Variants in MKLN1 observed in about 807,000 individuals in gnomAD.
The protein encoded by MKLN1 is muskelin.
MKLN1 carries 18 observed loss-of-function variants against 99.0 expected under a neutral mutation model. That is an observed-to-expected ratio of 0.18 (90% CI 0.13 to 0.27). The LOEUF (loss-of-function observed/expected upper bound fraction) is 0.27. MKLN1 is among the 10% of genes least tolerant of loss of function. MKLN1 has a pLI of 1.00. For missense variants in MKLN1, 621 were observed against 875.9 expected, an observed-to-expected ratio of 0.71 and a Z score of 3.67; for synonymous variants, 288 against 293.2, an observed-to-expected ratio of 0.98 and a Z score of 0.18.
chr7:131,386,142 T>C (rs1192639587), intron 2 of MKLN1, among the ~76,000 whole-genome samples: 3 of 151,834 alleles, frequency 2.0e-5, no homozygotes, highest in South Asian at 2.1e-4. Flanking sequence ...GCCTCCTGAG[T>C]AGCTAGGATT....
intron 17 of MKLN1, among the ~76,000 whole-genome samples, chr7:131,479,204 A>C (rs540239172): frequency 1.3e-5 from 2 of 152,236 alleles, no homozygotes; most frequent in East Asian, 3.9e-4. Flanking sequence ...CTTTAGTCTT[A>C]ATTTAGTAAT....
intron 2 of MKLN1, among the ~76,000 whole-genome samples, chr7:131,178,484 A>G (rs1378063240): frequency 2.6e-5 from 4 of 151,910 alleles, no homozygotes; most frequent in Non-Finnish European, 5.9e-5. Context: ...ACTTAAAAAA[A>G]AATCTGGACA....
intron 1 of MKLN1, among the ~76,000 whole-genome samples, chr7:131,135,771 G>T (rs953160791): frequency 1.3e-5 from 2 of 152,266 alleles, no homozygotes; most frequent in South Asian, 2.1e-4. Context: ...GGGGCAAAAG[G>T]CTGACTGGAT....
chr7:131,311,675 CT>C (rs1365780888), intron 3 of MKLN1, among the ~76,000 whole-genome samples: 3 of 152,100 alleles, frequency 2.0e-5, no homozygotes, highest in African/African-American at 7.2e-5. Flanking sequence ...TCATAAGTCA[CT>C]GTAAAATAGT....
At chr7:131,412,747 A>G (rs568614210) in intron 7 of MKLN1, among the ~76,000 whole-genome samples, 3 of 152,326 alleles carry the variant, frequency 2.0e-5, no homozygotes, top group African/African-American at 7.2e-5. Context: ...CAATTTCTTA[A>G]TGCAACTGTT....
rs569710983 is a variant in MKLN1 at position 131,131,298 on chromosome 7, G to T, written c.-418-11522G>T. 4.9e-4 allele frequency among the ~76,000 whole-genome samples: 74 copies of T among 151,692 alleles called. 1 individual carries two copies. The highest frequency in any genetic ancestry group is 9.9e-4 in the Non-Finnish European group (67 of 67,884). ...AGGCTGAGGAGGGAGTATCACTTGAGCCCAGGAGTTCAAGGCTGCAGTGAG... is the reference window on the plus strand; with the variant it reads ...AGGCTGAGGAGGGAGTATCACTTGATCCCAGGAGTTCAAGGCTGCAGTGAG... On this transcript the variant is annotated intron_variant, in intron 1 of 7. Coordinates refer to the MKLN1 transcript ENST00000416992.
intron 3 of MKLN1, among the ~76,000 whole-genome samples, chr7:131,293,405 T>A (rs979626069): frequency 6.6e-6 from 1 of 152,222 alleles, no homozygotes. Flanking sequence ...GTTATAGTCA[T>A]CTATGTTGTA....
At chr7:131,215,206 A>G (rs965801226) in intron 3 of MKLN1, among the ~76,000 whole-genome samples, 2 of 151,548 alleles carry the variant, frequency 1.3e-5, no homozygotes, top group African/African-American at 4.8e-5. Context: ...GCACCACCAC[A>G]CCAGCTAATT....
At chr7:131,134,620 C>T (rs1795619851) in intron 1 of MKLN1, among the ~76,000 whole-genome samples, 1 of 152,162 alleles carries the variant, frequency 6.6e-6, no homozygotes, top group African/African-American at 2.4e-5. Context: ...TCAACCTCGG[C>T]CCGTCTCTCC....
At chr7:131,292,419 C>T (rs984507363) in intron 3 of MKLN1, among the ~76,000 whole-genome samples, 3 of 152,118 alleles carry the variant, frequency 2.0e-5, no homozygotes, top group Admixed American at 2.0e-4. Context: ...CATGTCCCCC[C>T]AAAAAGATAT....
intron 2 of MKLN1, among the ~76,000 whole-genome samples, chr7:131,155,087 A>C (rs1448359475): frequency 6.6e-6 from 1 of 152,244 alleles, no homozygotes; most frequent in Admixed American, 6.5e-5. Context: ...AATTTAAAAA[A>C]TCAATAATAC....
chr7:131,462,792 AC>A (rs778580970), intron 12 of MKLN1, among the ~76,000 whole-genome samples: 66 of 152,340 alleles, frequency 4.3e-4, no homozygotes, highest in Non-Finnish European at 7.6e-4. Flanking sequence ...GTATGTGGAC[AC>A]ATAAAGCAGA....
At position 131,487,128 on chromosome 7, in the gene MKLN1, C is replaced by A. The variant is rs1252337520; in HGVS notation, c.2087-479C>A. Among the ~76,000 whole-genome samples the A allele has an allele frequency of 1.3e-5, 2 of 152,086 alleles. No individual in the cohort carries two copies. The highest frequency in any genetic ancestry group is 2.9e-5 in the Non-Finnish European group (2 of 67,980). ...GACATTAATGATTTTAGACTAATTTCTAAAGACCTCTTTCATTTTGATTTT... is the reference window on the plus strand; with the variant it reads ...GACATTAATGATTTTAGACTAATTTATAAAGACCTCTTTCATTTTGATTTT... On this transcript the variant is annotated intron_variant, in intron 17 of 17. Transcript: ENST00000352689. This position sits in a 1 kb window ranked among gnomAD's most constrained non-coding sequence, Gnocchi z 4.7.
At chr7:131,155,995 A>T (rs928079990) in intron 2 of MKLN1, among the ~76,000 whole-genome samples, 1 of 152,212 alleles carries the variant, frequency 6.6e-6, no homozygotes, top group African/African-American at 2.4e-5. Flanking sequence ...CAACAACTAC[A>T]TTATAAAATT....
chr7:131,398,777 G>C (rs1167441637), intron 5 of MKLN1, among the ~76,000 whole-genome samples: 1 of 152,052 alleles, frequency 6.6e-6, no homozygotes, highest in Non-Finnish European at 1.5e-5. Flanking sequence ...TGAAATATCT[G>C]TATACTTGAT....
At chr7:131,163,017 TATC>T (rs1345860345) in intron 2 of MKLN1, among the ~76,000 whole-genome samples, 2 of 152,232 alleles carry the variant, frequency 1.3e-5, no homozygotes. Context: ...TGGATGGTAT[TATC>T]ATCCTTCTAT....
rs995153689 is a variant in MKLN1 at position 131,389,901 on chromosome 7, C to CA, written c.400+939dup. Among the ~76,000 whole-genome samples, 934 of 145,150 alleles carry CA rather than the reference C, an allele frequency of 6.4e-3. 3 individuals carry two copies. Among genetic ancestry groups the CA allele is most frequent in the African/African-American group, 0.015 (590 of 39,616 alleles). On this transcript the variant is annotated intron_variant, in intron 4 of 17. Coordinates refer to ENST00000352689, the MANE Select transcript of MKLN1 (RefSeq NM_013255.5). Reference sequence around the variant, plus strand: ...GAGACTCCATCTCCAAAAAAAAAACCAAAAAAAAAATACTTCTAATTTATA... The same window carrying CA: ...GAGACTCCATCTCCAAAAAAAAAACCAAAAAAAAAAATACTTCTAATTTATA...
rs947053979 is a variant in MKLN1, at chr7:131,328,007, G to A, written c.98+10G>A. 3 of 1,613,452 alleles carry A rather than the reference G, an allele frequency of 1.9e-6. No individual in the cohort carries two copies. The highest frequency in any genetic ancestry group is 2.5e-6 in the Non-Finnish European group (3 of 1,179,776). On this transcript the variant is annotated intron_variant, in intron 1 of 17. Coordinates refer to ENST00000352689, the MANE Select transcript of MKLN1 (RefSeq NM_013255.5). Reference sequence around the variant, plus strand: ...CCACCTACCTTCCCGAGTAAGTGCCGGGCCTTGAGCTCGTGCTGCCCCACC... The same window carrying A: ...CCACCTACCTTCCCGAGTAAGTGCCAGGCCTTGAGCTCGTGCTGCCCCACC...
intron 1 of MKLN1, among the ~76,000 whole-genome samples, chr7:131,368,464 G>T (rs990651411): frequency 6.6e-6 from 1 of 152,130 alleles, no homozygotes; most frequent in Admixed American, 6.5e-5. Flanking sequence ...AGGCTTGATA[G>T]GAAGCATGAC....
Sources: allele counts gnomAD v4.1 joint callset (sites outside exome capture counted in the v4.1 genomes callset), GRCh38; gene constraint gnomAD v4.1.1; non-coding constraint Gnocchi (gnomAD v3.1); transcripts MANE v1.5; gene names NCBI Gene and HGNC (gene_info 2026-07-23, HGNC 2026-07-21).